Variants in USP9X observed in about 807,000 individuals in gnomAD.
The protein encoded by USP9X is ubiquitin specific peptidase 9 X-linked, also known as ubiquitin carboxyl-terminal hydrolase 9X.
A neutral mutation model predicts 190.3 loss-of-function variants in USP9X; 7 were observed. That is an observed-to-expected ratio of 0.04 (90% CI 0.02 to 0.07). The LOEUF (loss-of-function observed/expected upper bound fraction) is 0.07. USP9X is among the 10% of genes least tolerant of loss of function. The pLI is 1.00. For missense variants in USP9X, 1,010 were observed against 1,916.9 expected, an observed-to-expected ratio of 0.53 and a Z score of 8.83; for synonymous variants, 645 against 659.5, an observed-to-expected ratio of 0.98 and a Z score of 0.34.
intron 11 of USP9X, among the ~76,000 whole-genome samples, chrX:41,146,423 A>C (rs1279454220): frequency 1.9e-4 from 21 of 112,221 alleles, no homozygotes; most frequent in Non-Finnish European, 5.6e-5. Flanking sequence ...CAACCAAATG[A>C]TTCCAACCTT....
intron 2 of USP9X, among the ~76,000 whole-genome samples, chrX:41,124,010 T>TGGGTGACA (rs1228431639): frequency 9.0e-6 from 1 of 110,851 alleles, no homozygotes; most frequent in African/African-American, 3.3e-5. Flanking sequence ...GCCACCGTAC[T>TGGGTGACA]CCAGCCTGGG....
intron 30 of USP9X, among the ~76,000 whole-genome samples, chrX:41,200,767 G>A (rs1175510167): frequency 8.9e-6 from 1 of 112,493 alleles, no homozygotes; most frequent in African/African-American, 3.2e-5. Context: ...AGTAAAGTTA[G>A]CATGTAGACA....
chrX:41,210,605 A>G lies in USP9X; in HGVS notation c.5112A>G (p.Leu1704=), dbSNP rs1268149062. Residue 1704 remains leucine, a synonymous_variant, in exon 33 of 45, where the codon TTA becomes TTG. Coordinates refer to ENST00000378308, the MANE Select transcript of USP9X (RefSeq NM_001039591.3). ...VDSLDEALKA[L]GHPAMLSKVL... ...GTTTAGATGAAGCTTTAAAAGCTTT[A>G]GGACATCCAGCTATGCTAAGTAAAG... The G allele has an allele frequency of 8.3e-7, 1 of 1,209,974 alleles. No individual in the cohort carries two copies. The highest frequency in any genetic ancestry group is 1.7e-5 in the African/African-American group (1 of 57,340).
chrX:41,204,504 A>AT (rs1186475817), intron 31 of USP9X, among the ~76,000 whole-genome samples: 2 of 108,840 alleles, frequency 1.8e-5, no homozygotes, highest in Non-Finnish European at 1.9e-5. Flanking sequence ...GTAGTGTTTC[A>AT]TAAGGGCTCA....
chrX:41,201,565 G>A (rs1279129578), intron 31 of USP9X, among the ~76,000 whole-genome samples: 1 of 111,417 alleles, frequency 9.0e-6, no homozygotes, highest in Non-Finnish European at 1.9e-5. Context: ...AAAGTAAGTA[G>A]GGATGGACTT....
intron 1 of USP9X, among the ~76,000 whole-genome samples, chrX:41,095,624 A>AGG (rs1485038696): frequency 3.6e-5 from 4 of 111,961 alleles, no homozygotes; most frequent in Non-Finnish European, 7.5e-5. Flanking sequence ...AGATACTGGG[A>AGG]GGGGAGGGGT....
chrX:41,123,796 A>T, intron 2 of USP9X, 72 bp downstream of exon 2: 1 of 1,021,028 alleles, frequency 9.8e-7, no homozygotes, highest in Non-Finnish European at 1.3e-6. Flanking sequence ...TAATCGCAGC[A>T]CTTTGGGAGG....
At chrX:41,131,572 G>A (rs1171529310) in intron 4 of USP9X, 36 bp downstream of exon 4, 10 of 1,110,298 alleles carry the variant, frequency 9.0e-6, no homozygotes, top group Non-Finnish European at 1.2e-5. Context: ...TATAATGTAT[G>A]CTACTAGATG....
intron 44 of USP9X, among the ~76,000 whole-genome samples, chrX:41,231,888 T>C (rs138278646): frequency 1.1e-4 from 12 of 111,892 alleles, no homozygotes; most frequent in African/African-American, 1.9e-4. Flanking sequence ...AAAGCTCTTA[T>C]GTTAATCATG....
rs1166670254 is a variant in USP9X at position 41,160,667 on chromosome X, T to TA, written c.1898-2122dup. On this transcript the variant is annotated intron_variant, in intron 14 of 44. Coordinates refer to ENST00000378308, the MANE Select transcript of USP9X (RefSeq NM_001039591.3). ...AGAGAAACCTGCCTCCCTTCTGTGT[T>TA]ACTCGCCACAATGCTTAGACTGATC... 4.5e-5 allele frequency among the ~76,000 whole-genome samples: 5 copies of TA among 111,882 alleles called. No individual in the cohort carries two copies. The East Asian group carries it at 1.4e-3, about 31-fold the overall frequency.
chrX:41,140,354 G>A (rs1013929676), intron 6 of USP9X, among the ~76,000 whole-genome samples: 2 of 111,658 alleles, frequency 1.8e-5, no homozygotes, highest in African/African-American at 6.5e-5. Flanking sequence ...TAATTAGAAG[G>A]TATTCATTCT....
At chrX:41,104,187 A>T (rs1351408594) in intron 1 of USP9X, among the ~76,000 whole-genome samples, 2 of 110,776 alleles carry the variant, frequency 1.8e-5, no homozygotes. Context: ...CTGTCTCAGC[A>T]CTCCCAGTAG....
intron 1 of USP9X, among the ~76,000 whole-genome samples, chrX:41,092,506 A>G (rs2061961873): frequency 9.0e-6 from 1 of 111,478 alleles, no homozygotes; most frequent in African/African-American, 3.3e-5. Context: ...CTGCTTGGTA[A>G]CATCTCTGGA....
chrX:41,172,083 C>T, intron 21 of USP9X, 125 bp downstream of exon 21: 1 of 757,927 alleles, frequency 1.3e-6, no homozygotes, highest in Non-Finnish European at 1.8e-6. Flanking sequence ...GATGACAGCC[C>T]ACAAGCCACA....
chrX:41,216,667 A>G lies in USP9X; in HGVS notation c.6085+15A>G. ...CCCTCCTCCCGGTGAGTATCAAGAG[A>G]GTTTAGCTTCTTAGTAATAAAGAAT... On this transcript the variant is annotated intron_variant, in intron 35 of 44. Coordinates refer to ENST00000378308, the MANE Select transcript of USP9X (RefSeq NM_001039591.3). The G allele has an allele frequency of 8.5e-7, 1 of 1,178,395 alleles. No individual in the cohort carries two copies. The highest frequency in any genetic ancestry group is 1.1e-6 in the Non-Finnish European group (1 of 878,474).
chrX:41,176,247 C>A (rs1391606619), intron 21 of USP9X, among the ~76,000 whole-genome samples: 3 of 111,555 alleles, frequency 2.7e-5, no homozygotes, highest in African/African-American at 3.3e-5. Context: ...GAGCTCTACC[C>A]ACTTATTGGG....
intron 5 of USP9X, among the ~76,000 whole-genome samples, 158 bp from the exon 6 acceptor site, chrX:41,136,646 T>C (rs1198738566): frequency 8.9e-6 from 1 of 112,373 alleles, no homozygotes; most frequent in Non-Finnish European, 1.9e-5. Context: ...GTAAACAAAT[T>C]CTAATTTGTC....
intron 37 of USP9X, 42 bp from the exon 38 acceptor site, chrX:41,219,060 T>C (rs1173915461): frequency 3.4e-6 from 4 of 1,182,472 alleles, no homozygotes; most frequent in East Asian, 3.0e-5. Flanking sequence ...AGTATACATA[T>C]ACCTTGTTGC....
intron 29 of USP9X, 127 bp downstream of exon 29, chrX:41,197,637 C>T (rs1252023513): frequency 1.6e-6 from 1 of 618,114 alleles, no homozygotes; most frequent in African/African-American, 2.3e-5. Context: ...TTTTAAGAAT[C>T]TTTATCAAAT....
Sources: allele counts gnomAD v4.1 joint callset (sites outside exome capture counted in the v4.1 genomes callset), GRCh38; gene constraint gnomAD v4.1.1; transcripts MANE v1.5; gene names NCBI Gene and HGNC (gene_info 2026-07-23, HGNC 2026-07-21).